The following CBLIF variants were observed in gnomAD, a reference collection of about 807,000 sequenced individuals.
CBLIF encodes the protein cobalamin binding intrinsic factor.
A neutral mutation model predicts 44.9 loss-of-function variants in CBLIF; 24 were observed. That is an observed-to-expected ratio of 0.53 (90% CI 0.39 to 0.75). The LOEUF is 0.75. Ranked by LOEUF, CBLIF falls within the 30% of genes least tolerant of loss-of-function variation. CBLIF has a pLI of 0.00. For synonymous variants in CBLIF, 183 were observed against 190.9 expected (o/e 0.96, Z 0.34); for missense variants, 481 against 513.0 (o/e 0.94, Z 0.60).
At chr11:59,845,297 C>A in intron 1 of CBLIF, 78 bp downstream of exon 1, 3 of 1,601,766 alleles carry the variant, frequency 1.9e-6, no homozygotes, top group Non-Finnish European at 2.6e-6. Flanking sequence ...CTATTTTCAA[C>A]CACTCAGTGT....
At chr11:59,831,848 G>A (rs761559891) in intron 7 of CBLIF, 52 bp from the exon 8 acceptor site, 10 of 846,636 alleles carry the variant, frequency 1.2e-5, no homozygotes, top group Non-Finnish European at 2.1e-6. Context: ...CAGGGAATAA[G>A]CGGTAAGATG....
rs1565208016 is a variant in CBLIF at position 59,835,870 on chromosome 11, C to T, written c.1011G>A (p.Val337=). Residue 337 remains valine (V), a synonymous_variant, in exon 7 of 9, where the codon GTG becomes GTA. Transcript: ENST00000257248. The stretch of plus-strand genomic sequence containing the variant: ...CAACAAGTAACACTGACCCACTTTT[C>T]ACACTAACATTGATGGTCTCGTTGA... ...LLFNETINVS[V]KSGSVLLVVL... 1.1e-5 allele frequency: 17 copies of T among 1,614,020 alleles called. No homozygotes were observed. The highest frequency in any genetic ancestry group is 1.4e-5 in the Non-Finnish European group (17 of 1,179,976).
In CBLIF at chr11:59,841,343, A is replaced by C; in HGVS notation, c.512-19T>G. 1 of 1,572,682 alleles carries C rather than the reference A, an allele frequency of 6.4e-7. No individual in the cohort carries two copies. The highest frequency in any genetic ancestry group is 8.8e-7 in the Non-Finnish European group (1 of 1,142,398). On this transcript the variant is annotated intron_variant, in intron 4 of 8. Coordinates refer to ENST00000257248, the MANE Select transcript of CBLIF (RefSeq NM_005142.3). ...CCTGTGTCTGTGAATGACAGAGGGT[A>C]TAAGATCACCATAGTCACCATCACA...
chr11:59,829,678 A>G (rs1033034545), intron 8 of CBLIF, 133 bp from the exon 9 acceptor site: 21 of 692,310 alleles, frequency 3.0e-5, no homozygotes, highest in Non-Finnish European at 5.4e-5. Flanking sequence ...CCTAGAGAGA[A>G]ATAAGCAGTT....
Position 59,841,333 on chromosome 11 carries a change from GAC to G in CBLIF, c.512-11_512-10del. ...TGCCATTGCTCCTGTGTCTGTGAAT[GAC>G]AGAGGGTATAAGATCACCATAGTCA... On this transcript the variant is annotated splice_polypyrimidine_tract_variant and intron_variant, in intron 4 of 8. Transcript: ENST00000257248. The G allele has an allele frequency of 6.2e-7, 1 of 1,600,464 alleles. No homozygotes were observed. The highest frequency in any genetic ancestry group is 1.7e-4 in the Middle Eastern group (1 of 6,030).
Position 59,843,103 on chromosome 11 carries a change from G to A in CBLIF, c.295C>T (p.Leu99Phe). The change falls in exon 3 of 9, where the codon CTC becomes TTC. Residue 99 changes from leucine to phenylalanine, a missense_variant. Coordinates refer to ENST00000257248, the MANE Select transcript of CBLIF (RefSeq NM_005142.3). ...IGQLGLTIMA[L>F]TSSCRDPGDK... ...CCAGGGTCTCGGCAGGAGGAGGTGA[G>A]GGCCATGATGGTGAGGCCGAGCTGC... 1 of 1,613,724 alleles carries A rather than the reference G, an allele frequency of 6.2e-7. No homozygotes were observed.
intron 6 of CBLIF, among the ~76,000 whole-genome samples, chr11:59,836,718 C>G (rs1431853215): frequency 4.6e-5 from 7 of 152,154 alleles, no homozygotes; most frequent in Non-Finnish European, 1.0e-4. Flanking sequence ...GGCATTTGCA[C>G]TGTGTGTGGC....
At chr11:59,842,656 C>T (rs771930979) in intron 3 of CBLIF, 73 bp from the exon 4 acceptor site, 8 of 1,506,896 alleles carry the variant, frequency 5.3e-6, no homozygotes, top group Admixed American at 1.7e-5. Flanking sequence ...GAAGGAAAAG[C>T]CAAGCCTTTG....
intron 8 of CBLIF, among the ~76,000 whole-genome samples, chr11:59,830,447 C>T (rs774530945): frequency 5.9e-4 from 90 of 151,846 alleles, no homozygotes; most frequent in Non-Finnish European, 6.2e-4. Context: ...CCATGTTAGC[C>T]AGGATGGTCT....
chr11:59,835,764 G>A (rs1048615434), intron 7 of CBLIF, 44 bp downstream of exon 7: 1 of 1,437,194 alleles, frequency 7.0e-7, no homozygotes, highest in Admixed American at 1.7e-5. Flanking sequence ...TGGGAATTCA[G>A]ATCAGGCCTT....
intron 8 of CBLIF, among the ~76,000 whole-genome samples, chr11:59,831,031 A>G (rs1484800114): frequency 6.6e-6 from 1 of 152,202 alleles, no homozygotes; most frequent in African/African-American, 2.4e-5. Context: ...TTGCCTTTAC[A>G]TGTCTCTGCA....
At chr11:59,830,368 C>G (rs1266693747) in intron 8 of CBLIF, among the ~76,000 whole-genome samples, 1 of 151,502 alleles carries the variant, frequency 6.6e-6, no homozygotes, top group East Asian at 1.9e-4. Flanking sequence ...TCCCGAGTAG[C>G]TGGGACTACA....
chr11:59,834,291 T>TTCCTTCCTTC (rs1565207476), intron 7 of CBLIF, among the ~76,000 whole-genome samples: 1 of 139,056 alleles, frequency 7.2e-6, no homozygotes, highest in African/African-American at 2.8e-5. Context: ...TTTCTTTCTT[T>TTCCTTCCTTC]CTTTCTTTCT....
chr11:59,844,063 G>A lies in CBLIF; in HGVS notation c.80-8C>T. 6.2e-7 allele frequency: 1 copy of A among 1,609,452 alleles called. No homozygotes were observed. The highest frequency in any genetic ancestry group is 1.3e-5 in the African/African-American group (1 of 74,942). On this transcript the variant is annotated splice_region_variant and splice_polypyrimidine_tract_variant and intron_variant, in intron 1 of 8. Coordinates refer to ENST00000257248, the MANE Select transcript of CBLIF (RefSeq NM_005142.3). ...CCTGTGCTGAGGGAACGGCTGAGAA[G>A]AGGAAAGCCATTTACTCACCTTCTA... is the stretch of plus-strand genomic sequence containing the variant.
chr11:59,839,155 A>T (rs773365541), intron 5 of CBLIF, among the ~76,000 whole-genome samples: 1 of 152,100 alleles, frequency 6.6e-6, no homozygotes, highest in African/African-American at 2.4e-5. Flanking sequence ...GGCCTATCAG[A>T]TCCCTTTTCA....
At chr11:59,834,311 T>TTC (rs1238701731) in intron 7 of CBLIF, among the ~76,000 whole-genome samples, 2,375 of 35,386 alleles carry the variant, frequency 0.067, 128 homozygotes, top group Non-Finnish European at 0.079. Context: ...TTTCTTTCTT[T>TTC]CTTCCTTCCT....
At chr11:59,834,311 T>TCTTTCTTTCTTTCTTTCTTCCTTC (rs1555012146) in intron 7 of CBLIF, among the ~76,000 whole-genome samples, 5 of 35,564 alleles carry the variant, frequency 1.4e-4, no homozygotes, top group Non-Finnish European at 2.7e-4. Flanking sequence ...TTTCTTTCTT[T>TCTTTCTTTCTTTCTTTCTTCCTTC]CTTCCTTCCT....
chr11:59,835,429 T>G (rs1866440512), intron 7 of CBLIF, among the ~76,000 whole-genome samples: 1 of 151,908 alleles, frequency 6.6e-6, no homozygotes, highest in South Asian at 2.1e-4. Context: ...CCTCCCAAAG[T>G]GTTGGGATTA....
intron 7 of CBLIF, among the ~76,000 whole-genome samples, chr11:59,833,355 G>GA (rs1453402317): frequency 6.6e-6 from 1 of 151,846 alleles, no homozygotes; most frequent in Non-Finnish European, 1.5e-5. Flanking sequence ...CATCTCTACT[G>GA]AAAATACAAA....
Sources: allele counts gnomAD v4.1 joint callset (sites outside exome capture counted in the v4.1 genomes callset), GRCh38; gene constraint gnomAD v4.1.1; transcripts MANE v1.5; gene names NCBI Gene and HGNC (gene_info 2026-07-23, HGNC 2026-07-21).